Variants in RNF166 observed in about 807,000 individuals in gnomAD.
RNF166 encodes ring finger protein 166, also known as E3 ubiquitin-protein ligase RNF166.
In RNF166, 19 loss-of-function variants were observed where a neutral mutation model predicts 29.4. The observed-to-expected ratio is 0.65, with a 90% CI of 0.45 to 0.95. The LOEUF is 0.95. RNF166 is among the 40% of genes least tolerant of loss of function. The probability of loss-of-function intolerance (pLI) is 0.00; values close to 1 mark genes in which losing one functional copy is unlikely to be tolerated. For synonymous variants in RNF166, 171 were observed against 134.5 expected, an observed-to-expected ratio of 1.27 and a Z score of -1.88; for missense variants, 347 against 322.1, an observed-to-expected ratio of 1.08 and a Z score of -0.59.
chr16:88,704,535 T>G (rs1910572925), intron 1 of RNF166: 6 of 985,368 alleles, frequency 6.1e-6, no homozygotes, highest in Non-Finnish European at 6.0e-6. Context: ...TTGTGCAGGT[T>G]AGGAAAGTGG....
chr16:88,703,876 C>A (rs911929815), intron 1 of RNF166: 3 of 985,462 alleles, frequency 3.0e-6, no homozygotes, highest in Non-Finnish European at 3.6e-6. Context: ...CAGGCCAGCA[C>A]CCTCAGCAAG....
In RNF166 at chr16:88,698,882, G is replaced by A. The variant is rs747572101; in HGVS notation, c.540+89C>T. On this transcript the variant is annotated intron_variant, in intron 4 of 5. Coordinates refer to ENST00000312838, the MANE Select transcript of RNF166 (RefSeq NM_178841.4). ...AGGCCTTTGTGGCCTGGGCACCCCCGGACTCGCCGCGAGCAGGCTCCTGGG... is the reference window on the plus strand; with the variant it reads ...AGGCCTTTGTGGCCTGGGCACCCCCAGACTCGCCGCGAGCAGGCTCCTGGG... 1.9e-4 allele frequency: 202 copies of A among 1,073,566 alleles called. 1 individual carries two copies. The highest frequency in any genetic ancestry group is 2.6e-4 in the Non-Finnish European group (189 of 724,634). 66.5% of individuals were successfully genotyped at this position (1,073,566 alleles called of 1,614,324 possible).
At chr16:88,700,229 C>T (rs938626311) in intron 2 of RNF166, among the ~76,000 whole-genome samples, 3 of 152,136 alleles carry the variant, frequency 2.0e-5, no homozygotes, top group East Asian at 1.9e-4. Flanking sequence ...GACTCAAGCT[C>T]GGCACCCAGC....
Position 88,699,921 on chromosome 16 carries a change from C to CAA in RNF166, c.313-191_313-190dup, listed in dbSNP as rs1910040927. On this transcript the variant is annotated intron_variant, in intron 2 of 5. Coordinates refer to ENST00000312838, the MANE Select transcript of RNF166 (RefSeq NM_178841.4). ...CACTGAGCAGCCACTACTCCATGGC[C>CAA]AAAAGCAAGTCACTGCAGGACAATC... 14 of 503,244 alleles carry CAA rather than the reference C, an allele frequency of 2.8e-5. No individual in the cohort carries two copies. In the South Asian group the frequency reaches 3.8e-4, roughly 14 times the overall value. 31.2% of individuals were successfully genotyped at this position (503,244 alleles called of 1,614,324 possible). A position where few individuals can be genotyped will look rare whatever the true frequency, so the allele number is the denominator to read the frequency against.
At position 88,705,350 on chromosome 16, in the gene RNF166, C is replaced by T. The variant is rs183398070; in HGVS notation, c.155+821G>A. On this transcript the variant is annotated intron_variant, in intron 1 of 5. Transcript: ENST00000312838. ...CAGCTTGGATGTCTGCGGGGAAGCC[C>T]TCCTGCTCTCTCTCTCCCCTGCCAC... Among the ~76,000 whole-genome samples, 243 of 152,356 alleles carry T rather than the reference C, an allele frequency of 1.6e-3. 3 individuals carry two copies. Among genetic ancestry groups the T allele is most frequent in the Admixed American group, 0.015 (234 of 15,302 alleles).
intron 1 of RNF166, among the ~76,000 whole-genome samples, chr16:88,704,753 G>A (rs1910600384): frequency 6.6e-6 from 1 of 152,232 alleles, no homozygotes; most frequent in South Asian, 2.1e-4. Flanking sequence ...ACTTTGGGAG[G>A]CTGAGACGGG....
At chr16:88,697,727 C>A (rs977913748) in intron 5 of RNF166, 94 bp from the exon 6 acceptor site, 36 of 902,482 alleles carry the variant, frequency 4.0e-5, no homozygotes, top group Non-Finnish European at 6.0e-5. Context: ...TCCACCCTTC[C>A]TGCCTCCCTC....
intron 5 of RNF166, chr16:88,698,034 G>A (rs1435126677): frequency 2.5e-5 from 13 of 522,980 alleles, no homozygotes; most frequent in Non-Finnish European, 3.4e-5. Flanking sequence ...GGCCAGGAAT[G>A]AACAGGGCGG....
intron 1 of RNF166, 79 bp from the exon 2 acceptor site, chr16:88,701,497 G>A: frequency 7.2e-7 from 1 of 1,380,230 alleles, no homozygotes; most frequent in Non-Finnish European, 9.6e-7. Flanking sequence ...GCCCTTCTTA[G>A]GACCCAGCAT....
chr16:88,700,907 A>C, intron 2 of RNF166: 2 of 1,151,792 alleles, frequency 1.7e-6, no homozygotes, highest in South Asian at 1.9e-5. Flanking sequence ...TGGAGCCCCC[A>C]GCGCCGTCCC....
intron 3 of RNF166, 102 bp downstream of exon 3, chr16:88,699,518 G>A (rs574075704): frequency 1.0e-4 from 90 of 904,350 alleles, no homozygotes; most frequent in East Asian, 3.8e-4. Flanking sequence ...ACCCGGCCCC[G>A]GGTGACTCCC....
In RNF166 at chr16:88,702,646, A is replaced by G. The variant is rs368590325; in HGVS notation, c.156-1228T>C. 10 of 960,506 alleles carry G rather than the reference A, an allele frequency of 1.0e-5. No individual in the cohort carries two copies. In the South Asian group the frequency reaches 2.4e-4, roughly 23 times the overall value. The allele number at this position is 960,506 out of a possible 1,614,324, so 59.5% of individuals were successfully genotyped here. A position where few individuals can be genotyped will look rare whatever the true frequency, so the allele number is the denominator to read the frequency against. On this transcript the variant is annotated intron_variant, in intron 1 of 5. Coordinates refer to ENST00000312838, the MANE Select transcript of RNF166 (RefSeq NM_178841.4). Reference sequence around the variant, plus strand: ...CTTTGCCACCACTGGATTCCCACAGAGCCACCACCTGGCTGGTGGCTCCCA... The same window carrying G: ...CTTTGCCACCACTGGATTCCCACAGGGCCACCACCTGGCTGGTGGCTCCCA...
chr16:88,705,471 C>T (rs1239277363), intron 1 of RNF166, among the ~76,000 whole-genome samples: 2 of 152,340 alleles, frequency 1.3e-5, no homozygotes, highest in South Asian at 4.1e-4. Flanking sequence ...CTCCAGAATA[C>T]TTGAGCACAG....
intron 1 of RNF166, chr16:88,702,904 ACCTGGGGAGG>A: frequency 1.0e-6 from 1 of 985,490 alleles, no homozygotes. Context: ...AAGATGGTCC[ACCTGGGGAGG>A]CCTCAGGGGA....
intron 1 of RNF166, chr16:88,704,366 G>A (rs181164326): frequency 1.2e-4 from 121 of 985,448 alleles, no homozygotes; most frequent in East Asian, 7.9e-4. Flanking sequence ...TGCAGGACCC[G>A]CGGTGAGACT....
At chr16:88,697,658 C>A in intron 5 of RNF166, 25 bp from the exon 6 acceptor site, 1 of 1,534,152 alleles carries the variant, frequency 6.5e-7, no homozygotes, top group Non-Finnish European at 8.8e-7. Flanking sequence ...GAGAGATGCA[C>A]CGGGCTCGAG....
intron 1 of RNF166, chr16:88,703,830 T>C (rs1270046491): frequency 3.0e-6 from 3 of 985,316 alleles, no homozygotes; most frequent in East Asian, 2.3e-4. Context: ...GCTGAGAAGC[T>C]GGGACGGCCC....
Position 88,704,566 on chromosome 16 carries a change from C to T in RNF166, c.155+1605G>A, listed in dbSNP as rs943823990. ...AGTGGAGATGCTGTGGCCGACCACA[C>T]GGTGAAGGTGTTGGCACCCAAAGCC... On this transcript the variant is annotated intron_variant, in intron 1 of 5. Transcript: ENST00000312838. 30 of 985,306 alleles carry T rather than the reference C, an allele frequency of 3.0e-5. No individual in the cohort carries two copies. In the South Asian group the frequency reaches 3.3e-4, roughly 11 times the overall value. 61.0% of individuals were successfully genotyped at this position (985,306 alleles called of 1,614,324 possible).
intron 5 of RNF166, 66 bp downstream of exon 5, chr16:88,698,436 G>A (rs1052325303): frequency 7.8e-7 from 1 of 1,284,582 alleles, no homozygotes; most frequent in South Asian, 1.3e-5. Flanking sequence ...GGCTGGCGAG[G>A]GGCCCGAGCA....
Sources: gnomAD v4.1 joint callset for allele counts (sites outside exome capture counted in the v4.1 genomes callset) on GRCh38, gnomAD v4.1.1 for gene constraint, MANE v1.5 for transcripts, NCBI Gene and HGNC (gene_info 2026-07-23, HGNC 2026-07-21) for gene names.